The following TRERF1 variants were observed in gnomAD, a reference collection of about 807,000 sequenced individuals.
The protein encoded by TRERF1 is transcriptional-regulating factor 1.
In TRERF1, 27 loss-of-function variants were observed where a neutral mutation model predicts 122.9. The observed-to-expected ratio is 0.22, with a 90% CI of 0.16 to 0.30. TRERF1 has a LOEUF of 0.30. TRERF1 is among the 10% of genes least tolerant of loss of function. TRERF1 has a pLI of 1.00. For missense variants in TRERF1, 1,248 were observed against 1,560.3 expected (o/e 0.80, Z 3.37); for synonymous variants, 636 against 641.7 (o/e 0.99, Z 0.13).
intron 2 of TRERF1, among the ~76,000 whole-genome samples, chr6:42,429,878 CG>C (rs1784223494): frequency 6.6e-6 from 1 of 152,042 alleles, no homozygotes; most frequent in African/African-American, 2.4e-5. Flanking sequence ...GTCATTCGGG[CG>C]AAGGTGTGGC....
At chr6:42,324,403 T>C (rs1763941157) in intron 3 of TRERF1, among the ~76,000 whole-genome samples, 1 of 152,196 alleles carries the variant, frequency 6.6e-6, no homozygotes, top group Non-Finnish European at 1.5e-5. Flanking sequence ...GAAAAAACTA[T>C]TGTAAAATTC....
intron 2 of TRERF1, among the ~76,000 whole-genome samples, chr6:42,432,542 T>C (rs1784647127): frequency 6.6e-6 from 1 of 152,084 alleles, no homozygotes; most frequent in Admixed American, 6.5e-5. Flanking sequence ...TGTGCAAATA[T>C]TAAAAAATCA....
chr6:42,349,225 G>A (rs1768930409), intron 3 of TRERF1, among the ~76,000 whole-genome samples: 1 of 152,076 alleles, frequency 6.6e-6, no homozygotes, highest in Admixed American at 6.5e-5. Context: ...ACCCAGTCAG[G>A]GGCAACTAAA....
intron 2 of TRERF1, among the ~76,000 whole-genome samples, chr6:42,446,714 G>A (rs897480193): frequency 1.3e-5 from 2 of 152,162 alleles, no homozygotes; most frequent in Admixed American, 6.5e-5. Context: ...AAAAACCCTC[G>A]TTCCGCAGCC....
chr6:42,376,288 C>A (rs1207289593), intron 2 of TRERF1, among the ~76,000 whole-genome samples: 1 of 152,190 alleles, frequency 6.6e-6, no homozygotes, highest in East Asian at 1.9e-4. Flanking sequence ...ATGCAAATGC[C>A]TTGGAGAGGC....
In TRERF1 at chr6:42,277,908, A is replaced by AGAGGAAGAGGAAGAG. The variant is rs1318852229; in HGVS notation, c.-258-8061_-258-8060insCTCTTCCTCTTCCTC. Among the ~76,000 whole-genome samples the AGAGGAAGAGGAAGAG allele has an allele frequency of 1.0e-4, 5 of 48,814 alleles. No homozygotes were observed. The East Asian group carries it at 1.4e-3, about 14-fold the overall frequency. 32.0% of individuals were successfully genotyped at this position (48,814 alleles called of 152,430 possible). ...AGGAAGAAGGAAGAAGGAAGAAGGAAGAAGAAGAAGAAGAAGAAGAAGAAG... is the reference window on the plus strand; with the variant it reads ...AGGAAGAAGGAAGAAGGAAGAAGGAAGAGGAAGAGGAAGAGGAAGAAGAAGAAGAAGAAGAAGAAG... On this transcript the variant is annotated intron_variant, in intron 4 of 17. Coordinates refer to ENST00000372922, the Ensembl canonical transcript of TRERF1.
chr6:42,303,524 C>G (rs1315642764), intron 3 of TRERF1, among the ~76,000 whole-genome samples: 2 of 152,166 alleles, frequency 1.3e-5, no homozygotes, highest in African/African-American at 4.8e-5. Context: ...GCATGGCATA[C>G]TCTAATTAGG....
At position 42,369,170 on chromosome 6, in the gene TRERF1, C is replaced by T. The variant is rs114461895; in HGVS notation, c.-453-6091G>A. ...TGGGATCTAAAAAAAACTGAGGAGG[C>T]CAGGCACGGTGGCTCACATCTATGA... On this transcript the variant is annotated intron_variant, in intron 2 of 17. Transcript: ENST00000372922. 5.9e-3 allele frequency among the ~76,000 whole-genome samples: 891 copies of T among 152,218 alleles called. 6 individuals carry two copies. Among genetic ancestry groups the T allele is most frequent in the African/African-American group, 0.02 (815 of 41,532 alleles).
intron 14 of TRERF1, among the ~76,000 whole-genome samples, chr6:42,244,088 C>G (rs937453306): frequency 2.0e-5 from 3 of 151,916 alleles, no homozygotes; most frequent in Admixed American, 6.6e-5. Flanking sequence ...ACCATGTTGG[C>G]CAGGCTAGTC....
intron 2 of TRERF1, among the ~76,000 whole-genome samples, chr6:42,374,760 C>G (rs534028002): frequency 2.0e-5 from 3 of 152,174 alleles, no homozygotes; most frequent in East Asian, 3.9e-4. Context: ...GCAATCCCAG[C>G]ACTTTGGGAG....
chr6:42,317,740 A>G (rs1424317265), intron 3 of TRERF1, among the ~76,000 whole-genome samples: 1 of 152,150 alleles, frequency 6.6e-6, no homozygotes, highest in African/African-American at 2.4e-5. Context: ...AAAAGAAGAA[A>G]AACTCCATCA....
At chr6:42,279,971 C>T (rs1782002881) in intron 4 of TRERF1, among the ~76,000 whole-genome samples, 1 of 152,218 alleles carries the variant, frequency 6.6e-6, no homozygotes, top group African/African-American at 2.4e-5. Flanking sequence ...TGTAAAATAA[C>T]CGTGCAATAG....
chr6:42,412,404 C>T (rs796322763), intron 2 of TRERF1, among the ~76,000 whole-genome samples: 17 of 152,274 alleles, frequency 1.1e-4, no homozygotes, highest in African/African-American at 4.1e-4. Flanking sequence ...CTTAACAGCA[C>T]CATTTAAATC....
intron 17 of TRERF1, among the ~76,000 whole-genome samples, chr6:42,230,780 G>A (rs184076819): frequency 2.0e-5 from 3 of 152,288 alleles, no homozygotes; most frequent in Admixed American, 1.3e-4. Context: ...TGCTTCATGG[G>A]GGGAAGTGAT....
intron 16 of TRERF1, among the ~76,000 whole-genome samples, chr6:42,235,283 TGCAAGGG>T (rs1349215203): frequency 6.6e-6 from 1 of 152,194 alleles, no homozygotes; most frequent in Non-Finnish European, 1.5e-5. Context: ...GGGCTTCCTC[TGCAAGGG>T]GCAACATTAT....
At chr6:42,360,325 T>C (rs889289287) in intron 3 of TRERF1, among the ~76,000 whole-genome samples, 2 of 152,354 alleles carry the variant, frequency 1.3e-5, no homozygotes, top group Non-Finnish European at 2.9e-5. Context: ...GTGTTTACTC[T>C]GGCTATTAAA....
intron 2 of TRERF1, among the ~76,000 whole-genome samples, chr6:42,402,898 G>A (rs536637365): frequency 7.1e-4 from 108 of 152,194 alleles, no homozygotes; most frequent in South Asian, 1.9e-3. Flanking sequence ...ACCCAGGGTC[G>A]CACATTAATT....
intron 2 of TRERF1, among the ~76,000 whole-genome samples, chr6:42,385,868 A>G (rs1776711389): frequency 6.6e-6 from 1 of 152,248 alleles, no homozygotes; most frequent in Admixed American, 6.5e-5. Flanking sequence ...TTAATATGCT[A>G]TCATTCTTAC....
chr6:42,419,653 T>A (rs959531439), intron 2 of TRERF1, among the ~76,000 whole-genome samples: 10 of 152,158 alleles, frequency 6.6e-5, no homozygotes, highest in African/African-American at 1.9e-4. Flanking sequence ...AGGTCCCTAG[T>A]GGCTGGCACC....
Sources: gnomAD v4.1 joint callset for allele counts (sites outside exome capture counted in the v4.1 genomes callset) on GRCh38, gnomAD v4.1.1 for gene constraint, MANE v1.5 for transcripts, NCBI Gene and HGNC (gene_info 2026-07-23, HGNC 2026-07-21) for gene names.